POTEF: variants seen among roughly 807,000 people sequenced by gnomAD.
The protein encoded by POTEF is ANKRD26-like family C member 1B.
POTEF carries 20 observed loss-of-function variants against 83.2 expected under a neutral mutation model. That is an observed-to-expected ratio of 0.24 (90% CI 0.17 to 0.35). The LOEUF (loss-of-function observed/expected upper bound fraction) is 0.35. POTEF is among the 10% of genes least tolerant of loss of function. The probability of loss-of-function intolerance (pLI) is 1.00; values close to 1 mark genes in which losing one functional copy is unlikely to be tolerated. For synonymous variants in POTEF, 196 were observed against 446.4 expected (o/e 0.44, Z 7.07); for missense variants, 550 against 1,203.2 (o/e 0.46, Z 8.03).
intron 2 of POTEF, among the ~76,000 whole-genome samples, chr2:130,126,817 GA>G (rs1415532438): frequency 6.6e-6 from 1 of 151,332 alleles, no homozygotes; most frequent in African/African-American, 2.4e-5. Context: ...TTGGCATAAA[GA>G]AAACAAAAAG....
In POTEF at chr2:130,109,501, G is replaced by A. The variant is rs531893121; in HGVS notation, c.1055+1042C>T. 4 of 149,988 alleles carry A rather than the reference G, an allele frequency of 2.7e-5. No individual in the cohort carries two copies. In the East Asian group the frequency reaches 5.8e-4, roughly 22 times the overall value. The allele number at this position is 149,988 out of a possible 1,614,324, so 9.3% of individuals were successfully genotyped here. A position where few individuals can be genotyped will look rare whatever the true frequency, so the allele number is the denominator to read the frequency against. On this transcript the variant is annotated intron_variant, in intron 7 of 16. Coordinates refer to ENST00000409914, the MANE Select transcript of POTEF (RefSeq NM_001099771.2). ...ATAATTTTCATTATCATGTAAATCA[G>A]ATCACTCAAGGGGCCAACCACAGCT... is the stretch of plus-strand genomic sequence containing the variant.
chr2:130,107,451 G>C (rs1167806980), intron 8 of POTEF, among the ~76,000 whole-genome samples: 1 of 150,936 alleles, frequency 6.6e-6, no homozygotes, highest in Non-Finnish European at 1.5e-5. Context: ...ACCACGCAGA[G>C]CAGGGGTCCT....
intron 2 of POTEF, among the ~76,000 whole-genome samples, chr2:130,121,108 G>A (rs1558896872): frequency 1.3e-5 from 2 of 151,736 alleles, no homozygotes; most frequent in Non-Finnish European, 2.9e-5. Flanking sequence ...AGCTGCTGCC[G>A]GGCGTGTGCG....
At chr2:130,116,213 G>A (rs1204855134) in intron 3 of POTEF, among the ~76,000 whole-genome samples, 1 of 151,382 alleles carries the variant, frequency 6.6e-6, no homozygotes, top group Non-Finnish European at 1.5e-5. Context: ...AATAGCATGG[G>A]CTCATTTTTG....
intron 8 of POTEF, among the ~76,000 whole-genome samples, chr2:130,103,430 A>G (rs1408745666): frequency 6.7e-6 from 1 of 149,204 alleles, no homozygotes; most frequent in Admixed American, 6.7e-5. Context: ...ATGCTATGAG[A>G]ACGTCTTCCT....
chr2:130,115,751 T>A lies in POTEF; in HGVS notation c.522-423A>T, dbSNP rs532893693. On this transcript the variant is annotated intron_variant, in intron 3 of 16. Transcript: ENST00000409914. Reference sequence around the variant, plus strand: ...AACACAAATAACAGCTCAATAATTGTTAGATATTTTAATTTTTACTAATAC... The same window carrying A: ...AACACAAATAACAGCTCAATAATTGATAGATATTTTAATTTTTACTAATAC... Among the ~76,000 whole-genome samples the A allele has an allele frequency of 4.7e-3, 715 of 152,262 alleles. 7 individuals are homozygous for A. Among genetic ancestry groups the A allele is most frequent in the African/African-American group, 0.016 (660 of 41,484 alleles).
Position 130,113,999 on chromosome 2 carries a change from A to C in POTEF, c.810+882T>G, listed in dbSNP as rs1447707717. Among the ~76,000 whole-genome samples the C allele has an allele frequency of 2.3e-4, 35 of 152,152 alleles. No homozygotes were observed. In the South Asian group the frequency reaches 5.0e-3, roughly 22 times the overall value. On this transcript the variant is annotated intron_variant, in intron 5 of 16. Coordinates refer to ENST00000409914, the MANE Select transcript of POTEF (RefSeq NM_001099771.2). ...TGATCTTGTTACTTGTTTATCTTCC[A>C]CCTTCCCATCCAGACACTCTAGATT...
chr2:130,108,997 C>A (rs1684627422), intron 7 of POTEF, among the ~76,000 whole-genome samples: 1 of 151,312 alleles, frequency 6.6e-6, no homozygotes, highest in Admixed American at 6.6e-5. Flanking sequence ...AGCTGACATT[C>A]TGTAATTTTC....
intron 8 of POTEF, among the ~76,000 whole-genome samples, chr2:130,104,891 G>A (rs1291992608): frequency 1.3e-5 from 2 of 151,270 alleles, no homozygotes; most frequent in Non-Finnish European, 2.9e-5. Context: ...TAGGATGCGA[G>A]TTATAAATGC....
At position 130,120,096 on chromosome 2, in the gene POTEF, C is replaced by T; in HGVS notation, c.420G>A (p.Leu140=). The change falls in exon 3 of 17, where the codon CTG becomes CTA. Residue 140 remains leucine (L), a synonymous_variant. Transcript: ENST00000409914. ...EPRYHVRGED[L]DKLHRAAWWG... ...ACCAGGCAGCTCTGTGGAGCTTGTC[C>T]AGATCTTCTCCACGGACGTGGTACC... 1 of 1,604,524 alleles carries T rather than the reference C, an allele frequency of 6.2e-7. No individual in the cohort carries two copies. The highest frequency in any genetic ancestry group is 8.5e-7 in the Non-Finnish European group (1 of 1,178,520).
At chr2:130,114,723 CAAT>C (rs1048801633) in intron 5 of POTEF, among the ~76,000 whole-genome samples, 155 bp downstream of exon 5, 13 of 151,326 alleles carry the variant, frequency 8.6e-5, no homozygotes, top group African/African-American at 2.4e-4. Context: ...TTGAAAGTAA[CAAT>C]ATTTAAAATG....
chr2:130,118,304 C>T (rs1186716804), intron 3 of POTEF, among the ~76,000 whole-genome samples: 1 of 151,920 alleles, frequency 6.6e-6, no homozygotes, highest in African/African-American at 2.4e-5. Context: ...TACATTCCTT[C>T]TTCTACCAGG....
chr2:130,128,225 C>T lies in POTEF; in HGVS notation c.-249-361G>A, dbSNP rs1685145227. Among the ~76,000 whole-genome samples, 4 of 150,336 alleles carry T rather than the reference C, an allele frequency of 2.7e-5. 1 individual carries two copies. The highest frequency in any genetic ancestry group is 7.4e-5 in the African/African-American group (3 of 40,552). On this transcript the variant is annotated intron_variant, in intron 1 of 16. Coordinates refer to ENST00000409914, the MANE Select transcript of POTEF (RefSeq NM_001099771.2). ...CCCCCGCGATGCCCACTAATCCCCA[C>T]CCGGTAGTCCCAGGTGGTCTCCCCA...
chr2:130,125,702 T>C (rs1685076081), intron 2 of POTEF, among the ~76,000 whole-genome samples: 1 of 151,982 alleles, frequency 6.6e-6, no homozygotes, highest in South Asian at 2.1e-4. Context: ...GGTCAGGTGT[T>C]CTAGGCCAGC....
intron 8 of POTEF, among the ~76,000 whole-genome samples, chr2:130,102,734 T>C (rs538857282): frequency 2.0e-5 from 3 of 150,990 alleles, no homozygotes. Context: ...AAATGCATAC[T>C]ATTCGCAAGT....
chr2:130,083,470 G>C (rs1683947720), intron 15 of POTEF, among the ~76,000 whole-genome samples: 1 of 142,714 alleles, frequency 7.0e-6, no homozygotes, highest in African/African-American at 2.7e-5. Context: ...GGAAAAGCCT[G>C]AGGGAGTGAG....
chr2:130,128,199 TC>T (rs1240342231), intron 1 of POTEF, among the ~76,000 whole-genome samples: 3 of 148,242 alleles, frequency 2.0e-5, no homozygotes, highest in Admixed American at 2.0e-4. Flanking sequence ...GTTCCCACAG[TC>T]CCCCGCGATG....
At chr2:130,126,407 G>A (rs28661839) in intron 2 of POTEF, among the ~76,000 whole-genome samples, 323 of 148,854 alleles carry the variant, frequency 2.2e-3, no homozygotes, top group African/African-American at 7.8e-3. Flanking sequence ...AACTTACCCC[G>A]TGACTCCTGC....
At chr2:130,103,292 G>C (rs1305363501) in intron 8 of POTEF, among the ~76,000 whole-genome samples, 1 of 149,946 alleles carries the variant, frequency 6.7e-6, no homozygotes, top group Non-Finnish European at 1.5e-5. Context: ...TAGTAGAGAC[G>C]GGGTTTCACC....
Sources: allele counts gnomAD v4.1 joint callset (sites outside exome capture counted in the v4.1 genomes callset), GRCh38; gene constraint gnomAD v4.1.1; transcripts MANE v1.5; gene names NCBI Gene and HGNC (gene_info 2026-07-23, HGNC 2026-07-21).